Variants in PHKB observed in about 807,000 individuals in gnomAD.
PHKB encodes the protein phosphorylase b kinase regulatory subunit beta.
In PHKB, 122 loss-of-function variants were observed where a neutral mutation model predicts 152.1. The observed-to-expected ratio is 0.80, with a 90% CI of 0.69 to 0.93. PHKB has a LOEUF of 0.93. Ranked by LOEUF, PHKB falls within the 40% of genes least tolerant of loss-of-function variation. PHKB has a pLI of 0.00. For synonymous variants in PHKB, 436 were observed against 464.9 expected (o/e 0.94, Z 0.80); for missense variants, 1,304 against 1,328.4 (o/e 0.98, Z 0.29).
Position 47,649,023 on chromosome 16 carries a change from T to C in PHKB, c.1693-77T>C, listed in dbSNP as rs1293115344. 1.1e-5 allele frequency: 9 copies of C among 811,620 alleles called. No homozygotes were observed. In the East Asian group the frequency reaches 2.2e-4, roughly 20 times the overall value. 50.3% of individuals were successfully genotyped at this position (811,620 alleles called of 1,614,324 possible). A position where few individuals can be genotyped will look rare whatever the true frequency, so the allele number is the denominator to read the frequency against. On this transcript the variant is annotated intron_variant, in intron 17 of 30. Transcript: ENST00000323584. ...AGAATTAGACATCAGTTTTTATTTTTATTGAGACTTACAGCACTGCACCTT... is the reference window on the plus strand; with the variant it reads ...AGAATTAGACATCAGTTTTTATTTTCATTGAGACTTACAGCACTGCACCTT...
intron 26 of PHKB, among the ~76,000 whole-genome samples, chr16:47,669,786 A>T (rs532647653): frequency 6.6e-6 from 1 of 152,348 alleles, no homozygotes; most frequent in South Asian, 2.1e-4. Flanking sequence ...AACTGTCAGG[A>T]GGACACATCC....
At chr16:47,536,923 A>C (rs1233291442) in intron 6 of PHKB, among the ~76,000 whole-genome samples, 3 of 152,240 alleles carry the variant, frequency 2.0e-5, no homozygotes, top group African/African-American at 7.2e-5. Context: ...GGGCTGAAGG[A>C]AGATTCATAG....
At position 47,490,517 on chromosome 16, in the gene PHKB, A is replaced by G. The variant is rs74633081; in HGVS notation, c.77-6882A>G. Reference sequence around the variant, plus strand: ...GAACATCATTCTGGCAATCCCATGTAACTAAACATGTCAGATGATCCTGTT... The same window carrying G: ...GAACATCATTCTGGCAATCCCATGTGACTAAACATGTCAGATGATCCTGTT... On this transcript the variant is annotated intron_variant, in intron 1 of 30. Coordinates refer to ENST00000323584, the MANE Select transcript of PHKB (RefSeq NM_000293.3). Among the ~76,000 whole-genome samples the G allele has an allele frequency of 5.7e-3, 872 of 152,318 alleles. 9 individuals carry two copies. Among genetic ancestry groups the G allele is most frequent in the African/African-American group, 0.02 (834 of 41,570 alleles).
intron 14 of PHKB, among the ~76,000 whole-genome samples, chr16:47,617,485 T>C (rs1972540084): frequency 6.6e-6 from 1 of 152,018 alleles, no homozygotes; most frequent in Admixed American, 6.6e-5. Context: ...TATTCTACTT[T>C]TTGTGTGTAT....
rs1969647998 is a variant in PHKB at position 47,465,246 on chromosome 16, T to G, written c.76+3820T>G. ...GGACATATATCTCTAGACTCTGTTTTCTTTCCTTATAAGCACCAAGCTCTG... is the reference window on the plus strand; with the variant it reads ...GGACATATATCTCTAGACTCTGTTTGCTTTCCTTATAAGCACCAAGCTCTG... On this transcript the variant is annotated intron_variant, in intron 1 of 30. Coordinates refer to ENST00000323584, the MANE Select transcript of PHKB (RefSeq NM_000293.3). Among the ~76,000 whole-genome samples, 6 of 152,270 alleles carry G rather than the reference T, an allele frequency of 3.9e-5. No individual in the cohort carries two copies. In the South Asian group the frequency reaches 1.2e-3, roughly 31 times the overall value.
intron 1 of PHKB, among the ~76,000 whole-genome samples, chr16:47,481,737 C>A (rs1398116687): frequency 6.6e-6 from 1 of 152,238 alleles, no homozygotes; most frequent in Non-Finnish European, 1.5e-5. Flanking sequence ...AGCCTCACAA[C>A]ATCCCTGTGA....
intron 16 of PHKB, among the ~76,000 whole-genome samples, chr16:47,642,435 C>A (rs754169483): frequency 4.6e-5 from 7 of 152,162 alleles, no homozygotes; most frequent in South Asian, 4.1e-4. Context: ...GTTAGAGACA[C>A]GACATTGTTG....
chr16:47,463,807 C>T (rs1053403682), intron 1 of PHKB: 2 of 807,990 alleles, frequency 2.5e-6, no homozygotes, highest in Non-Finnish European at 2.1e-6. Flanking sequence ...TTGTTGCATA[C>T]TGCATCATGT....
In PHKB at chr16:47,525,680, A is replaced by G. The variant is rs142909537; in HGVS notation, c.594+10079A>G. Among the ~76,000 whole-genome samples, 1,452 of 152,290 alleles carry G rather than the reference A, an allele frequency of 9.5e-3. 12 individuals carry two copies. The highest frequency in any genetic ancestry group is 0.015 in the South Asian group (70 of 4,824). On this transcript the variant is annotated intron_variant, in intron 6 of 30. Transcript: ENST00000323584. The stretch of plus-strand genomic sequence containing the variant: ...TTTTTTGCTAGCCGAAAACAACGCA[A>G]TGATGAAAAGCACAAATCTTTGTTC...
chr16:47,693,362 T>TTAAA lies in PHKB; in HGVS notation c.2766-15_2766-14insAAAT, dbSNP rs1157994083. 1.2e-6 allele frequency: 2 copies of TTAAA among 1,613,648 alleles called. No individual in the cohort carries two copies. The highest frequency in any genetic ancestry group is 1.7e-6 in the Non-Finnish European group (2 of 1,179,752). The stretch of plus-strand genomic sequence containing the variant: ...AGCTTGTTCTTCAACTCTGAGACAT[T>TTAAA]TGCCTTTTGTTACAGATGTTGGCTG... On this transcript the variant is annotated splice_polypyrimidine_tract_variant and intron_variant, in intron 27 of 30. Coordinates refer to ENST00000323584, the MANE Select transcript of PHKB (RefSeq NM_000293.3).
At chr16:47,641,252 A>G (rs999523155) in intron 15 of PHKB, among the ~76,000 whole-genome samples, 162 bp downstream of exon 15, 20 of 152,208 alleles carry the variant, frequency 1.3e-4, no homozygotes. Context: ...AATGACCAGC[A>G]TATTCTTTTC....
chr16:47,524,524 T>G (rs1293400512), intron 6 of PHKB, among the ~76,000 whole-genome samples: 1 of 152,196 alleles, frequency 6.6e-6, no homozygotes, highest in East Asian at 1.9e-4. Flanking sequence ...ATCCCAGCAC[T>G]TTGAGAGGCT....
chr16:47,463,866 A>G, intron 1 of PHKB: 2 of 1,525,442 alleles, frequency 1.3e-6, no homozygotes, highest in African/African-American at 1.4e-5. Context: ...GATTGCTTCT[A>G]ACCTTTACTA....
At chr16:47,618,661 A>G (rs915094762) in intron 14 of PHKB, among the ~76,000 whole-genome samples, 32 of 152,222 alleles carry the variant, frequency 2.1e-4, no homozygotes, top group African/African-American at 6.5e-4. Flanking sequence ...TTATTCTTAT[A>G]AACAGGTGTT....
At chr16:47,590,784 T>C (rs1409837904) in intron 10 of PHKB, 1 of 152,266 alleles carries the variant, frequency 6.6e-6, no homozygotes, top group Non-Finnish European at 1.5e-5. Flanking sequence ...GAGATCTTTC[T>C]TGGTTCAGCC....
intron 7 of PHKB, among the ~76,000 whole-genome samples, chr16:47,558,593 T>C (rs1971422629): frequency 6.6e-6 from 1 of 152,212 alleles, no homozygotes; most frequent in Admixed American, 6.5e-5. Context: ...TCTGTTGCTC[T>C]GGCTGGAGTG....
At chr16:47,623,557 A>ATTTTTT (rs35402802) in intron 14 of PHKB, among the ~76,000 whole-genome samples, 48 of 86,264 alleles carry the variant, frequency 5.6e-4, no homozygotes, top group African/African-American at 8.3e-4. Flanking sequence ...GACAGTTTTG[A>ATTTTTT]TTTTTTTTTT....
chr16:47,541,266 A>C (rs921652653), intron 6 of PHKB, among the ~76,000 whole-genome samples: 1 of 152,026 alleles, frequency 6.6e-6, no homozygotes, highest in African/African-American at 2.4e-5. Context: ...CTGTCCTTGC[A>C]ATAGTTTGCT....
At chr16:47,670,117 T>C (rs1351440199) in intron 26 of PHKB, among the ~76,000 whole-genome samples, 1 of 152,224 alleles carries the variant, frequency 6.6e-6, no homozygotes, top group African/African-American at 2.4e-5. Flanking sequence ...GTTTTAAAAG[T>C]CTATGACAAG....
Sources: gnomAD v4.1 joint callset for allele counts (sites outside exome capture counted in the v4.1 genomes callset) on GRCh38, gnomAD v4.1.1 for gene constraint, MANE v1.5 for transcripts, NCBI Gene and HGNC (gene_info 2026-07-23, HGNC 2026-07-21) for gene names.